Variants in ABCC5 observed in about 807,000 individuals in gnomAD.
The protein encoded by ABCC5 is ATP binding cassette subfamily C member 5.
A neutral mutation model predicts 160.9 loss-of-function variants in ABCC5; 61 were observed. The ratio of observed to expected loss-of-function variants is 0.38; its 90% CI spans 0.31 to 0.47. ABCC5 has a LOEUF of 0.47. Ranked by LOEUF, ABCC5 falls within the 20% of genes least tolerant of loss-of-function variation. The pLI, the probability that ABCC5 is intolerant of heterozygous loss-of-function variation, is 0.99. For synonymous variants in ABCC5, 666 were observed against 700.6 expected, an observed-to-expected ratio of 0.95 and a Z score of 0.78; for missense variants, 1,308 against 1,813.3, an observed-to-expected ratio of 0.72 and a Z score of 5.06.
intron 24 of ABCC5, 115 bp downstream of exon 24, chr3:183,945,735 G>T: frequency 1.3e-6 from 1 of 791,868 alleles, no homozygotes; most frequent in Non-Finnish European, 2.3e-6. Context: ...AGATTCTGTG[G>T]GATTAGATAG....
intron 26 of ABCC5, among the ~76,000 whole-genome samples, chr3:183,935,737 G>T (rs900675731): frequency 2.0e-5 from 3 of 150,946 alleles, no homozygotes; most frequent in African/African-American, 7.3e-5. Flanking sequence ...CCTGACCTCA[G>T]GTGATCCGCC....
At chr3:183,931,934 G>A (rs1012901191) in intron 26 of ABCC5, among the ~76,000 whole-genome samples, 1 of 152,146 alleles carries the variant, frequency 6.6e-6, no homozygotes, top group African/African-American at 2.4e-5. Context: ...TGAACATGAG[G>A]GCAATTATTT....
chr3:183,975,944 T>C (rs1203930608), intron 10 of ABCC5, among the ~76,000 whole-genome samples: 1 of 152,214 alleles, frequency 6.6e-6, no homozygotes, highest in Non-Finnish European at 1.5e-5. Context: ...TCCAAAGTGC[T>C]ACCAAATCCA....
At chr3:183,995,083 C>T (rs1001949925) in intron 2 of ABCC5, among the ~76,000 whole-genome samples, 1 of 151,438 alleles carries the variant, frequency 6.6e-6, no homozygotes, top group African/African-American at 2.4e-5. Flanking sequence ...TGGGCTCAAG[C>T]GATCCTCCCA....
At chr3:183,925,900 G>A (rs1410083464) in intron 28 of ABCC5, among the ~76,000 whole-genome samples, 181 bp from the exon 29 acceptor site, 9 of 147,432 alleles carry the variant, frequency 6.1e-5, no homozygotes, top group Non-Finnish European at 1.0e-4. Context: ...GTGCAGTGGC[G>A]CAATCTCGGC....
intron 26 of ABCC5, among the ~76,000 whole-genome samples, chr3:183,932,212 C>T (rs573197121): frequency 2.0e-5 from 3 of 152,224 alleles, no homozygotes; most frequent in South Asian, 2.1e-4. Flanking sequence ...ATACCTTCTT[C>T]TATCAGGAAG....
chr3:183,971,432 A>C, intron 11 of ABCC5, 131 bp downstream of exon 11: 1 of 762,576 alleles, frequency 1.3e-6, no homozygotes, highest in Non-Finnish European at 2.1e-6. Context: ...AGCTGGTCTA[A>C]TTTGCTCTTT....
chr3:183,951,361 C>G lies in ABCC5; in HGVS notation c.2944+80G>C. On this transcript the variant is annotated intron_variant, in intron 20 of 29. Transcript: ENST00000334444. This position sits in a 1 kb window ranked among gnomAD's most constrained non-coding sequence, Gnocchi z 4.7. Reference sequence around the variant, plus strand: ...TCTCAGGATCTACAGACAGACAGATCTGCACATTTGGAGAATCATCTAGAA... The same window carrying G: ...TCTCAGGATCTACAGACAGACAGATGTGCACATTTGGAGAATCATCTAGAA... 1 of 1,555,472 alleles carries G rather than the reference C, an allele frequency of 6.4e-7. No individual in the cohort carries two copies. Among genetic ancestry groups the G allele is most frequent in the Non-Finnish European group, 8.7e-7 (1 of 1,148,102 alleles).
intron 25 of ABCC5, among the ~76,000 whole-genome samples, chr3:183,941,599 A>C (rs2108781184): frequency 6.6e-6 from 1 of 152,226 alleles, no homozygotes; most frequent in South Asian, 2.1e-4. Context: ...AAAACTAATG[A>C]AAACTGAATC....
chr3:184,014,221 A>C, intron 2 of ABCC5, 43 bp downstream of exon 2: 1 of 1,566,434 alleles, frequency 6.4e-7, no homozygotes, highest in Non-Finnish European at 8.7e-7. Flanking sequence ...GATGTGTTTT[A>C]GTACAACAAG....
chr3:183,951,198 C>T lies in ABCC5; in HGVS notation c.2944+243G>A, dbSNP rs553405716. Among the ~76,000 whole-genome samples the T allele has an allele frequency of 1.3e-5, 2 of 152,342 alleles. No homozygotes were observed. Among genetic ancestry groups the T allele is most frequent in the Admixed American group, 6.5e-5 (1 of 15,304 alleles). On this transcript the variant is annotated intron_variant, in intron 20 of 29. Transcript: ENST00000334444. This position sits in a 1 kb window ranked among gnomAD's most constrained non-coding sequence, Gnocchi z 4.7. ...AGAAACCAATGCATTGCTTTAAAAT[C>T]TGTGTGTGTTTCAGAATCTCAGATG...
At chr3:183,953,006 T>C (rs1381024930) in intron 18 of ABCC5, 80 bp downstream of exon 18, 3 of 1,423,782 alleles carry the variant, frequency 2.1e-6, no homozygotes, top group Non-Finnish European at 2.9e-6. Flanking sequence ...CTAGAACAGT[T>C]TCCCTAAGAA....
chr3:183,965,818 T>A (rs372744144), intron 12 of ABCC5, among the ~76,000 whole-genome samples: 4 of 152,178 alleles, frequency 2.6e-5, no homozygotes, highest in African/African-American at 9.7e-5. Flanking sequence ...AGAATTCTCC[T>A]GGAGAGGATG....
At position 183,949,854 on chromosome 3, in the gene ABCC5, C is replaced by T; in HGVS notation, c.3126G>A (p.Leu1042=). ...GGAAAGGTGACTGCGTGATATTGTC[C>T]AGACGCTTCAGCTCCCGAATCAGGA... ...SRVLIRELKR[L]DNITQSPFLS... is the part of the protein sequence containing the mutation. The change falls in exon 22 of 30, where the codon CTG becomes CTA. Residue 1042 remains leucine, a synonymous_variant. Transcript: ENST00000334444. The surrounding 1 kb of genome is among the most constrained non-coding windows in gnomAD (Gnocchi z 4.2). 1.2e-6 allele frequency: 2 copies of T among 1,614,156 alleles called. No individual in the cohort carries two copies. Among genetic ancestry groups the T allele is most frequent in the Non-Finnish European group, 1.7e-6 (2 of 1,180,032 alleles).
At chr3:184,006,283 T>A (rs1721195245) in intron 2 of ABCC5, 1 of 135,776 alleles carries the variant, frequency 7.4e-6, no homozygotes, top group Non-Finnish European at 1.5e-5. Flanking sequence ...GCTTTATGGA[T>A]GCCTACAGGG....
At chr3:184,011,973 C>T (rs556021880) in intron 2 of ABCC5, among the ~76,000 whole-genome samples, 3 of 150,746 alleles carry the variant, frequency 2.0e-5, no homozygotes, top group South Asian at 2.1e-4. Context: ...ACTGTGGAAG[C>T]GGTCACACAA....
rs745507480 is a variant in ABCC5 at position 183,947,374 on chromosome 3, C to T, written c.3364G>A (p.Gly1122Arg). 1.1e-5 allele frequency: 18 copies of T among 1,613,538 alleles called. No individual in the cohort carries two copies. The highest frequency in any genetic ancestry group is 1.7e-5 in the Admixed American group (1 of 59,962). ...TTGLMIVLMH[G>R]QIPPAYAGLA... Reference sequence around the variant, plus strand: ...CCCGCATAGGCTGGGGGAATCTGCCCGTGCATAAGAACGATCATCAGCCCC... The same window carrying T: ...CCCGCATAGGCTGGGGGAATCTGCCTGTGCATAAGAACGATCATCAGCCCC... The change falls in exon 23 of 30, where the codon GGG (glycine) becomes AGG (arginine). Residue 1122 changes from glycine to arginine, a missense_variant. Gly to Arg is a moderately radical substitution (Grantham distance 125, BLOSUM62 -2). This residue lies in a region of ABCC5 where 1,142 missense variants were observed against 1,527.1 expected (regional missense o/e 0.75). Coordinates refer to ENST00000334444, the MANE Select transcript of ABCC5 (RefSeq NM_005688.4).
At position 183,967,009 on chromosome 3, in the gene ABCC5, G is replaced by GT. The variant is rs112821645; in HGVS notation, c.1833+685dup. 1.0e-2 allele frequency among the ~76,000 whole-genome samples: 1,429 copies of GT among 143,202 alleles called. 10 individuals carry two copies. The highest frequency in any genetic ancestry group is 0.029 in the East Asian group (143 of 4,858). The allele number at this position is 143,202 out of a possible 152,430, so 93.9% of individuals were successfully genotyped here. On this transcript the variant is annotated intron_variant, in intron 12 of 29. Transcript: ENST00000334444. ...TAATGTAAAAGCATGTGGGCACCTT[G>GT]TTTTTTTTTTTTTTCTGGATTGTTT...
chr3:183,942,776 G>A lies in ABCC5; in HGVS notation c.3645C>T (p.Phe1215=). ...CAATCTTCTCTTTAGGTTTGATCGTGAAGGATACTTTCTTTAGGACGAGAG... is the reference window on the plus strand; with the variant it reads ...CAATCTTCTCTTTAGGTTTGATCGTAAAGGATACTTTCTTTAGGACGAGAG... ...NLPLVLKKVS[F]TIKPKEKIGI... The change falls in exon 25 of 30, where the codon TTC becomes TTT. Residue 1215 remains phenylalanine, a synonymous_variant. Coordinates refer to ENST00000334444, the MANE Select transcript of ABCC5 (RefSeq NM_005688.4). 1 of 1,614,134 alleles carries A rather than the reference G, an allele frequency of 6.2e-7. No homozygotes were observed. Among genetic ancestry groups the A allele is most frequent in the Non-Finnish European group, 8.5e-7 (1 of 1,180,016 alleles).
Sources: allele counts gnomAD v4.1 joint callset (sites outside exome capture counted in the v4.1 genomes callset), GRCh38; gene constraint gnomAD v4.1.1; regional missense constraint gnomAD v4.1.1; non-coding constraint Gnocchi (gnomAD v3.1); transcripts MANE v1.5; gene names NCBI Gene and HGNC (gene_info 2026-07-23, HGNC 2026-07-21).